POLG2: variants seen among roughly 807,000 people sequenced by gnomAD.
POLG2 encodes the protein DNA polymerase subunit gamma-2.
POLG2 carries 50 observed loss-of-function variants against 56.5 expected under a neutral mutation model. That is an observed-to-expected ratio of 0.88 (90% CI 0.71 to 1.12). The LOEUF (loss-of-function observed/expected upper bound fraction) is 1.12, where lower values mean the gene tolerates loss of function less well. Ranked by LOEUF, POLG2 falls within the 50% of genes most tolerant of loss-of-function variation. The pLI, the probability that POLG2 is intolerant of heterozygous loss-of-function variation, is 0.00. For missense variants in POLG2, 584 were observed against 583.3 expected (o/e 1.00, Z -0.01); for synonymous variants, 226 against 222.6 (o/e 1.02, Z -0.14).
chr17:64,495,579 T>C (rs532267310), intron 1 of POLG2, among the ~76,000 whole-genome samples: 1 of 152,256 alleles, frequency 6.6e-6, no homozygotes, highest in South Asian at 2.1e-4. Flanking sequence ...CCATATTCAA[T>C]TTTAATTTAC....
rs1555669511 is a variant in POLG2 at position 64,496,423 on chromosome 17, C to T, written c.546G>A (p.Arg182=). Residue 182 remains arginine (R), a synonymous_variant, in exon 1 of 8, where the codon CGG becomes CGA. Coordinates refer to ENST00000539111, the MANE Select transcript of POLG2 (RefSeq NM_007215.4). Reference sequence around the variant, plus strand: ...GAAGCATACCGTGAAGAAGGTTCTCCCGTAGTTTCCCAGAAGTTTTTAATA... The same window carrying T: ...GAAGCATACCGTGAAGAAGGTTCTCTCGTAGTTTCCCAGAAGTTTTTAATA... The part of the protein sequence containing the change: ...ENVLKTSGKL[R]ENLLHGALEH... The T allele has an allele frequency of 8.2e-6, 13 of 1,581,188 alleles. No individual in the cohort carries two copies. Among genetic ancestry groups the T allele is most frequent in the African/African-American group, 1.4e-5 (1 of 74,014 alleles).
At chr17:64,490,326 C>T (rs191400198) in intron 4 of POLG2, 4 of 177,276 alleles carry the variant, frequency 2.3e-5, no homozygotes, top group Non-Finnish European at 4.8e-5. Flanking sequence ...TAACACTCCT[C>T]ATATGACACA....
chr17:64,496,068 T>A (rs537988882), intron 1 of POLG2, among the ~76,000 whole-genome samples: 2 of 152,350 alleles, frequency 1.3e-5, no homozygotes, highest in African/African-American at 4.8e-5. Context: ...ACATTTTTAC[T>A]TAGAATAAAT....
intron 7 of POLG2, among the ~76,000 whole-genome samples, chr17:64,478,296 T>C (rs1171663330): frequency 1.3e-5 from 2 of 152,248 alleles, no homozygotes; most frequent in East Asian, 3.8e-4. Flanking sequence ...AACCTCAGCC[T>C]TTTGGTTCTT....
chr17:64,496,230 G>A (rs1452989293), intron 1 of POLG2, among the ~76,000 whole-genome samples, 177 bp downstream of exon 1: 1 of 152,162 alleles, frequency 6.6e-6, no homozygotes, highest in Non-Finnish European at 1.5e-5. Context: ...ATGATTCCAT[G>A]GACCAGTTTT....
chr17:64,496,321 G>A (rs948276593), intron 1 of POLG2, 86 bp downstream of exon 1: 20 of 814,518 alleles, frequency 2.5e-5, no homozygotes, highest in Non-Finnish European at 3.0e-5. Context: ...GGGAATACAG[G>A]GCCAGTTGCA....
chr17:64,481,304 C>G (rs1285227988), intron 6 of POLG2: 1 of 985,306 alleles, frequency 1.0e-6, no homozygotes, highest in Non-Finnish European at 1.2e-6. Flanking sequence ...CTCACTATCT[C>G]CCATCTTCCC....
intron 1 of POLG2, among the ~76,000 whole-genome samples, chr17:64,493,641 C>G (rs556197125): frequency 6.6e-6 from 1 of 151,992 alleles, no homozygotes; most frequent in Non-Finnish European, 1.5e-5. Flanking sequence ...CCCGCCACCA[C>G]GCCCGGCTAA....
In POLG2 at chr17:64,490,944, C is replaced by T. The variant is rs1555668373; in HGVS notation, c.821G>A (p.Ser274Asn). The T allele has an allele frequency of 1.2e-6, 2 of 1,613,932 alleles. No homozygotes were observed. The highest frequency in any genetic ancestry group is 8.5e-7 in the Non-Finnish European group (1 of 1,179,834). ...TTCTTCATCCTGACAGTCACTGCTG[C>T]TGAAGTTAGATGGACTCATGGCAAA... The part of the protein sequence containing the change: ...RKFAMSPSNF[S>N]SSDCQDEEGR... The change falls in exon 4 of 8, where the codon AGC becomes AAC. Residue 274 changes from serine (S) to asparagine (N), a missense_variant. Transcript: ENST00000539111.
intron 5 of POLG2, 179 bp downstream of exon 5, chr17:64,485,549 C>T: frequency 1.6e-6 from 1 of 625,164 alleles, no homozygotes. Flanking sequence ...TTGTTCTATT[C>T]TGTGAGAACC....
At chr17:64,495,215 G>GGT (rs2038130700) in intron 1 of POLG2, among the ~76,000 whole-genome samples, 1 of 150,566 alleles carries the variant, frequency 6.6e-6, no homozygotes. Flanking sequence ...CTGGGCACTA[G>GGT]GTGTGCTCAT....
At position 64,489,363 on chromosome 17, in the gene POLG2, A is replaced by T. The variant is rs562797580; in HGVS notation, c.969+1433T>A. Among the ~76,000 whole-genome samples, 465 of 147,290 alleles carry T rather than the reference A, an allele frequency of 3.2e-3. 1 individual carries two copies. The highest frequency in any genetic ancestry group is 0.011 in the African/African-American group (435 of 40,572). ...GAATGATGGAATTTGTTTTTTTTTA[A>T]AAAAAAAAAAAAGGGAAGGGGAAAA... On this transcript the variant is annotated intron_variant, in intron 4 of 7. Transcript: ENST00000539111.
At chr17:64,494,016 T>C (rs543802266) in intron 1 of POLG2, among the ~76,000 whole-genome samples, 6 of 152,374 alleles carry the variant, frequency 3.9e-5, no homozygotes, top group South Asian at 4.1e-4. Context: ...TAACATATGG[T>C]GATATTTTAG....
In POLG2 at chr17:64,482,921, G is replaced by C. The variant is rs1555666788; in HGVS notation, c.1189C>G (p.Gln397Glu). Reference sequence around the variant, plus strand: ...ACATTTAAACTCATTTAACTCACCTGTCTTAGTTCCAATGTGGGGCCTCTT... The same window carrying C: ...ACATTTAAACTCATTTAACTCACCTCTCTTAGTTCCAATGTGGGGCCTCTT... ...VGRGPTLELR[Q>E]VCQGLFNELL... Residue 397 changes from glutamine (Q) to glutamate (E), a missense_variant and splice_region_variant, in exon 6 of 8, where the codon CAG becomes GAG. Gln to Glu is a conservative substitution (Grantham distance 29). Coordinates refer to ENST00000539111, the MANE Select transcript of POLG2 (RefSeq NM_007215.4). 4 of 1,546,916 alleles carry C rather than the reference G, an allele frequency of 2.6e-6. No individual in the cohort carries two copies. Among genetic ancestry groups the C allele is most frequent in the African/African-American group, 2.7e-5 (2 of 73,054 alleles).
intron 3 of POLG2, 108 bp downstream of exon 3, chr17:64,492,559 A>G: frequency 1.4e-6 from 1 of 692,136 alleles, no homozygotes; most frequent in East Asian, 2.7e-5. Context: ...TAATATATTA[A>G]TAGCTACATA....
intron 3 of POLG2, chr17:64,491,873 C>A: frequency 3.9e-6 from 1 of 257,972 alleles, no homozygotes; most frequent in Non-Finnish European, 7.4e-6. Context: ...TTGCTGAATC[C>A]TTTCATATCC....
Position 64,485,883 on chromosome 17 carries a change from A to G in POLG2, c.970-15T>C, listed in dbSNP as rs2037942481. On this transcript the variant is annotated splice_polypyrimidine_tract_variant and intron_variant, in intron 4 of 7. Transcript: ENST00000539111. ...CCATCTCGGCCCTTCACAGAAAAAC[A>G]GAAGAAAAATAATCATTTCACAGAA... is the stretch of plus-strand genomic sequence containing the variant. 1.2e-6 allele frequency: 2 copies of G among 1,613,652 alleles called. No homozygotes were observed. Among genetic ancestry groups the G allele is most frequent in the Non-Finnish European group, 1.7e-6 (2 of 1,179,530 alleles).
rs1405072894 is a variant in POLG2 at position 64,496,665 on chromosome 17, A to G, written c.304T>C (p.Leu102=). 1 of 1,613,924 alleles carries G rather than the reference A, an allele frequency of 6.2e-7. No homozygotes were observed. Among genetic ancestry groups the G allele is most frequent in the East Asian group, 2.2e-5 (1 of 44,856 alleles). ...LSGCHPGFGP[L]GVELRKNLAA... ...AGGTTCTTCCGCAACTCTACGCCCA[A>G]GGGTCCGAAGCCGGGGTGGCACCCA... Residue 102 remains leucine, a synonymous_variant, in exon 1 of 8, where the codon TTG becomes CTG. Transcript: ENST00000539111.
At position 64,496,756 on chromosome 17, in the gene POLG2, C is replaced by T. The variant is rs1555669616; in HGVS notation, c.213G>A (p.Glu71=). 8.7e-6 allele frequency: 14 copies of T among 1,613,946 alleles called. No individual in the cohort carries two copies. Among genetic ancestry groups the T allele is most frequent in the Non-Finnish European group, 1.2e-5 (14 of 1,180,034 alleles). The change falls in exon 1 of 8, where the codon GAG becomes GAA. Residue 71 remains glutamate (E), a synonymous_variant. Transcript: ENST00000539111. ...TTAGGAAATGCCTTCTCTGACAGAT[C>T]TCTAACAGCGCCTCGCTTCCCTCTC... is the stretch of plus-strand genomic sequence containing the variant. ...GSGEGSEALL[E]ICQRRHFLSG...
Sources: allele counts gnomAD v4.1 joint callset (sites outside exome capture counted in the v4.1 genomes callset), GRCh38; gene constraint gnomAD v4.1.1; transcripts MANE v1.5; gene names NCBI Gene and HGNC (gene_info 2026-07-23, HGNC 2026-07-21).